The following RAC2 variants were observed in gnomAD, a reference collection of about 807,000 sequenced individuals.
The protein encoded by RAC2 is ras-related C3 botulinum toxin substrate 2.
In RAC2, 1 loss-of-function variant was observed where a neutral mutation model predicts 24.0. That is an observed-to-expected ratio of 0.04 (90% CI 0.01 to 0.20). The LOEUF (loss-of-function observed/expected upper bound fraction) is 0.20. RAC2 is among the 10% of genes least tolerant of loss of function. The pLI, the probability that RAC2 is intolerant of heterozygous loss-of-function variation, is 1.00. For synonymous variants in RAC2, 114 were observed against 106.8 expected (o/e 1.07, Z -0.41); for missense variants, 130 against 259.1 (o/e 0.50, Z 3.42).
chr22:37,239,674 G>A (rs1341730945), intron 2 of RAC2, among the ~76,000 whole-genome samples: 1 of 152,178 alleles, frequency 6.6e-6, no homozygotes, highest in Non-Finnish European at 1.5e-5. Context: ...GCTCAGAGAG[G>A]GGAAGTGATT....
chr22:37,227,618 A>C (rs1231942806), intron 5 of RAC2, among the ~76,000 whole-genome samples: 1 of 32,202 alleles, frequency 3.1e-5, no homozygotes, highest in Non-Finnish European at 6.0e-5. Context: ...CACCCCTCCC[A>C]CGCCATACAC....
intron 2 of RAC2, among the ~76,000 whole-genome samples, chr22:37,233,893 G>A (rs1227291148): frequency 6.6e-6 from 1 of 152,146 alleles, no homozygotes; most frequent in East Asian, 1.9e-4. Context: ...ATCTTCCAGG[G>A]AAAGAGGGCT....
chr22:37,238,274 T>C (rs1927293560), intron 2 of RAC2, among the ~76,000 whole-genome samples: 1 of 152,136 alleles, frequency 6.6e-6, no homozygotes, highest in Admixed American at 6.5e-5. Flanking sequence ...TCTCACTTTG[T>C]TGCCCAGGCT....
In RAC2 at chr22:37,230,559, C is replaced by T. The variant is rs55917599; in HGVS notation, c.448+672G>A. Among the ~76,000 whole-genome samples the T allele has an allele frequency of 3.1e-3, 465 of 152,254 alleles. 1 individual carries two copies. The highest frequency in any genetic ancestry group is 0.011 in the African/African-American group (441 of 41,534). ...TGAGCCACTACAAAGAAGCACCCCC[C>T]AGCAGTGAGCCAATAATTTGCTGTC... On this transcript the variant is annotated intron_variant, in intron 5 of 6. Transcript: ENST00000249071.
chr22:37,242,452 G>A (rs979594326), intron 1 of RAC2, among the ~76,000 whole-genome samples: 2 of 152,288 alleles, frequency 1.3e-5, no homozygotes, highest in African/African-American at 2.4e-5. Flanking sequence ...GATAACGCGC[G>A]CCTCCTCCAC....
chr22:37,237,511 C>T (rs958366592), intron 2 of RAC2, among the ~76,000 whole-genome samples: 2 of 152,010 alleles, frequency 1.3e-5, no homozygotes, highest in Non-Finnish European at 2.9e-5. Context: ...ATGGGGCTGC[C>T]GAGAGGCCAG....
At chr22:37,232,022 G>A (rs1451725658) in intron 3 of RAC2, 28 bp from the exon 4 acceptor site, 2 of 1,550,314 alleles carry the variant, frequency 1.3e-6, no homozygotes, top group Admixed American at 3.9e-5. Flanking sequence ...GAGGTTGCTA[G>A]TGAGGAGGGC....
Position 37,232,784 on chromosome 22 carries a change from A to G in RAC2, c.225+17T>C. 4 of 1,593,720 alleles carry G rather than the reference A, an allele frequency of 2.5e-6. No homozygotes were observed. Among genetic ancestry groups the G allele is most frequent in the Non-Finnish European group, 3.4e-6 (4 of 1,162,088 alleles). ...ACAGCAAAGGTCAGGACTGCAAGGC[A>G]GGTGGGAGCAGCACACCGTCTGTGG... On this transcript the variant is annotated intron_variant, in intron 3 of 6. Coordinates refer to ENST00000249071, the MANE Select transcript of RAC2 (RefSeq NM_002872.5).
intron 5 of RAC2, among the ~76,000 whole-genome samples, chr22:37,230,106 A>G (rs902091401): frequency 1.3e-5 from 2 of 152,076 alleles, no homozygotes; most frequent in Non-Finnish European, 2.9e-5. Context: ...TGGCCCTAGG[A>G]CAGGGGAAGG....
chr22:37,226,142 A>C (rs2145818917), intron 6 of RAC2, 103 bp from the exon 7 acceptor site: 1 of 163,162 alleles, frequency 6.1e-6, no homozygotes, highest in East Asian at 1.7e-4. Flanking sequence ...GTCTTTGCTC[A>C]AGGTTTGACT....
Position 37,231,474 on chromosome 22 carries a change from G to A in RAC2, c.289-84C>T, listed in dbSNP as rs1381978126. On this transcript the variant is annotated intron_variant, in intron 4 of 6. Transcript: ENST00000249071. The surrounding 1 kb of genome is among the most constrained non-coding windows in gnomAD (Gnocchi z 5.5). ...TGCGGGGATCAGAGGGAGTGTGAGG[G>A]TGTAGGGAGAGGAGAGGCAGCAAGT... 7.3e-7 allele frequency: 1 copy of A among 1,367,358 alleles called. No individual in the cohort carries two copies. 84.7% of individuals were successfully genotyped at this position (1,367,358 alleles called of 1,614,324 possible).
chr22:37,231,224 C>A lies in RAC2; in HGVS notation c.448+7G>T, dbSNP rs993728770. On this transcript the variant is annotated splice_region_variant and intron_variant, in intron 5 of 6. Transcript: ENST00000249071. The surrounding 1 kb of genome is among the most constrained non-coding windows in gnomAD (Gnocchi z 5.5). Reference sequence around the variant, plus strand: ...CCAGATCGCCCCTCTGAGCCCGAGGCCCATACCAATCTCCTTGGCCAGTGC... The same window carrying A: ...CCAGATCGCCCCTCTGAGCCCGAGGACCATACCAATCTCCTTGGCCAGTGC... 5 of 1,613,072 alleles carry A rather than the reference C, an allele frequency of 3.1e-6. No homozygotes were observed. The highest frequency in any genetic ancestry group is 4.2e-6 in the Non-Finnish European group (5 of 1,179,992).
At chr22:37,232,027 G>C (rs1331759797) in intron 3 of RAC2, 33 bp from the exon 4 acceptor site, 3 of 1,549,396 alleles carry the variant, frequency 1.9e-6, no homozygotes, top group African/African-American at 2.7e-5. Context: ...TGCTAGTGAG[G>C]AGGGCCCAGA....
At chr22:37,232,971 G>A in intron 2 of RAC2, 53 bp from the exon 3 acceptor site, 1 of 1,357,620 alleles carries the variant, frequency 7.4e-7, no homozygotes, top group Non-Finnish European at 1.1e-6. Context: ...CCCAGAACCT[G>A]GGAATTGTGG....
intron 1 of RAC2, among the ~76,000 whole-genome samples, chr22:37,243,336 C>T (rs1041458549): frequency 2.6e-5 from 4 of 152,128 alleles, no homozygotes; most frequent in African/African-American, 9.7e-5. Flanking sequence ...AACTGAGGCC[C>T]CCAGGGGACA....
In RAC2 at chr22:37,244,082, G is replaced by A. The variant is rs376434337; in HGVS notation, c.35+32C>T. On this transcript the variant is annotated intron_variant, in intron 1 of 6. Transcript: ENST00000249071. ...GAAGGATCTCAGGGCATCCCAGTTGGGGGCTGTGAGGAAGTCCAGCCAGGT... is the reference window on the plus strand; with the variant it reads ...GAAGGATCTCAGGGCATCCCAGTTGAGGGCTGTGAGGAAGTCCAGCCAGGT... 6 of 1,613,664 alleles carry A rather than the reference G, an allele frequency of 3.7e-6. No homozygotes were observed. The East Asian group carries it at 1.3e-4, about 36-fold the overall frequency.
At position 37,226,681 on chromosome 22, in the gene RAC2, G is replaced by A. The variant is rs755097815; in HGVS notation, c.571C>T (p.Leu191Phe). Residue 191 changes from leucine (L) to phenylalanine (F), a missense_variant, in exon 6 of 7, where the codon CTC (leucine) becomes TTC (phenylalanine). Around this residue, in one of 2 missense-constraint regions of RAC2, gnomAD observed 119 missense variants for 192.1 expected, o/e 0.62. Transcript: ENST00000249071. ...PTRQQKRACS[L>F]L ...GTGGGGGACTCTTACCCCTAGAGGA[G>A]GCTGCAGGCGCGCTTCTGCTGCCGC... is the stretch of plus-strand genomic sequence containing the variant. 37 of 1,612,778 alleles carry A rather than the reference G, an allele frequency of 2.3e-5. No individual in the cohort carries two copies. The highest frequency in any genetic ancestry group is 1.3e-4 in the Admixed American group (8 of 59,920).
chr22:37,240,978 C>G (rs190487991), intron 2 of RAC2: 2 of 713,070 alleles, frequency 2.8e-6, no homozygotes, highest in African/African-American at 3.5e-5. Flanking sequence ...CCATCAGGAG[C>G]CTTGAGTGCC....
intron 5 of RAC2, among the ~76,000 whole-genome samples, chr22:37,228,441 T>A (rs1237145275): frequency 6.6e-6 from 1 of 151,992 alleles, no homozygotes; most frequent in Non-Finnish European, 1.5e-5. Flanking sequence ...TTCCCTGAAG[T>A]GAAAAACCAC....
Sources: gnomAD v4.1 joint callset for allele counts (sites outside exome capture counted in the v4.1 genomes callset) on GRCh38, gnomAD v4.1.1 for gene constraint, gnomAD v4.1.1 regional missense constraint, Gnocchi (gnomAD v3.1) non-coding constraint, MANE v1.5 for transcripts, NCBI Gene and HGNC (gene_info 2026-07-23, HGNC 2026-07-21) for gene names.